The following ZNF131 variants were observed in gnomAD, a reference collection of about 807,000 sequenced individuals.
ZNF131 encodes zinc finger and BTB domain containing 35.
ZNF131 carries 7 observed loss-of-function variants against 60.0 expected under a neutral mutation model. The ratio of observed to expected loss-of-function variants is 0.12; its 90% CI spans 0.07 to 0.22. The LOEUF (loss-of-function observed/expected upper bound fraction) is 0.22, where lower values mean the gene tolerates loss of function less well. ZNF131 is among the 10% of genes least tolerant of loss of function. ZNF131 has a pLI of 1.00. For synonymous variants in ZNF131, 257 were observed against 253.2 expected (o/e 1.01, Z -0.14); for missense variants, 493 against 740.9 (o/e 0.67, Z 3.88).
chr5:43,135,726 A>C (rs551941154), intron 3 of ZNF131, among the ~76,000 whole-genome samples: 5 of 152,354 alleles, frequency 3.3e-5, no homozygotes, highest in Admixed American at 3.3e-4. Flanking sequence ...GTCTCAAAAA[A>C]GAAAAAAGAA....
At chr5:43,123,409 C>A in intron 3 of ZNF131, 99 bp downstream of exon 3, 1 of 946,394 alleles carries the variant, frequency 1.1e-6, no homozygotes, top group South Asian at 1.7e-5. Context: ...ATTGGTGAAG[C>A]AGTTTTAGAC....
At chr5:43,150,797 A>G (rs534805127) in intron 4 of ZNF131, among the ~76,000 whole-genome samples, 1 of 152,162 alleles carries the variant, frequency 6.6e-6, no homozygotes, top group Non-Finnish European at 1.5e-5. Context: ...CAAAAAACAC[A>G]GGGACCAGGA....
chr5:43,173,793 A>G (rs1751277857), intron 6 of ZNF131, among the ~76,000 whole-genome samples: 1 of 152,150 alleles, frequency 6.6e-6, no homozygotes, highest in African/African-American at 2.4e-5. Flanking sequence ...TCAAACAATT[A>G]TTACATTATT....
Position 43,160,032 on chromosome 5 carries a change from T to C in ZNF131, c.372-1217T>C, listed in dbSNP as rs12655892. Among the ~76,000 whole-genome samples the C allele has an allele frequency of 3.0e-4, 45 of 151,746 alleles. No homozygotes were observed. The East Asian group carries it at 8.0e-3, about 27-fold the overall frequency. ...TCTACTAAAAATACAAAATATTAGC[T>C]GGTCGTGGTGGCGGGCGCCTGTAGT... On this transcript the variant is annotated intron_variant, in intron 4 of 6. Coordinates refer to ENST00000682664, the MANE Select transcript of ZNF131 (RefSeq NM_001330707.2).
At chr5:43,123,413 T>G (rs775138540) in intron 3 of ZNF131, 103 bp downstream of exon 3, 19 of 947,114 alleles carry the variant, frequency 2.0e-5, no homozygotes, top group Non-Finnish European at 2.9e-5. Flanking sequence ...GTGAAGCAGT[T>G]TTAGACAGTT....
At position 43,176,187 on chromosome 5, in the gene ZNF131, AGT is replaced by A. The variant is rs745541520; in HGVS notation, c.*1055_*1056del. 3.4e-5 allele frequency: 5 copies of A among 146,760 alleles called. No homozygotes were observed. Among genetic ancestry groups the A allele is most frequent in the Non-Finnish European group, 6.2e-5 (4 of 64,792 alleles). The allele number at this position is 146,760 out of a possible 1,614,324, so 9.1% of individuals were successfully genotyped here. Reference sequence around the variant, plus strand: ...AAGAGTGCTAAACTGTGGACTTAAAAGTAGGTGTGTAAATATTTTTAATCAGT... The same window carrying A: ...AAGAGTGCTAAACTGTGGACTTAAAAAGGTGTGTAAATATTTTTAATCAGT... On this transcript the variant is annotated 3_prime_UTR_variant, in exon 7 of 7. Transcript: ENST00000682664.
At chr5:43,143,566 G>GTAATCCCT (rs1311013914) in intron 4 of ZNF131, 33 of 370,324 alleles carry the variant, frequency 8.9e-5, no homozygotes, top group Non-Finnish European at 1.9e-5. Flanking sequence ...CTGGACTTCT[G>GTAATCCCT]TAATCCCTTT....
rs149464238 is a variant in ZNF131, at chr5:43,134,693, CTTTTTTTTTT to C, written c.227-4459_227-4450del. On this transcript the variant is annotated intron_variant, in intron 3 of 6. Coordinates refer to ENST00000682664, the MANE Select transcript of ZNF131 (RefSeq NM_001330707.2). ...AAAAGTCAGTTGCTTTTCTTTTTTT[CTTTTTTTTTT>C]TTTTTTTTTTTTGGGAGACAGAGTT... Among the ~76,000 whole-genome samples, 30 of 88,418 alleles carry C rather than the reference CTTTTTTTTTT, an allele frequency of 3.4e-4. No homozygotes were observed. In the Middle Eastern group the frequency reaches 0.031, roughly 90 times the overall value. The allele number at this position is 88,418 out of a possible 152,430, so 58.0% of individuals were successfully genotyped here.
rs768449780 is a variant in ZNF131 at position 43,175,120 on chromosome 5, C to T, written c.1859C>T (p.Pro620Leu). The T allele has an allele frequency of 3.1e-6, 5 of 1,604,584 alleles. No individual in the cohort carries two copies. In the African/African-American group the frequency reaches 6.7e-5, roughly 22 times the overall value. ...GAGAATGAGGACAGAACAGCTCTGCCAGTTTTAGAATGAAATTACACATGA... is the reference window on the plus strand; with the variant it reads ...GAGAATGAGGACAGAACAGCTCTGCTAGTTTTAGAATGAAATTACACATGA... ...KAENEDRTAL[P>L]VLE Residue 620 changes from proline (P) to leucine (L), a missense_variant, in exon 7 of 7, where the codon CCA becomes CTA. Physicochemically the swap from Pro to Leu is moderately conservative, Grantham distance 98. Transcript: ENST00000682664.
At chr5:43,135,486 C>A (rs966374526) in intron 3 of ZNF131, among the ~76,000 whole-genome samples, 3 of 151,596 alleles carry the variant, frequency 2.0e-5, no homozygotes, top group Non-Finnish European at 3.0e-5. Flanking sequence ...CAGTGGCTCA[C>A]GCCTGTAATC....
chr5:43,148,064 G>A (rs1247492714), intron 4 of ZNF131, among the ~76,000 whole-genome samples: 1 of 140,204 alleles, frequency 7.1e-6, no homozygotes, highest in African/African-American at 2.6e-5. Context: ...TTTTTTTTCT[G>A]GAAAAAAGAA....
chr5:43,137,524 A>G (rs1358812888), intron 3 of ZNF131, among the ~76,000 whole-genome samples: 1 of 152,218 alleles, frequency 6.6e-6, no homozygotes, highest in Non-Finnish European at 1.5e-5. Flanking sequence ...AGGAAATGCA[A>G]ATCAAAACCA....
chr5:43,160,678 C>CTTTT (rs71608692), intron 4 of ZNF131, among the ~76,000 whole-genome samples: 7 of 93,028 alleles, frequency 7.5e-5, no homozygotes, highest in Non-Finnish European at 1.1e-4. Context: ...TAGCTTGGAA[C>CTTTT]TTTTTTTTTT....
At chr5:43,125,400 C>T (rs993695078) in intron 3 of ZNF131, among the ~76,000 whole-genome samples, 5 of 151,488 alleles carry the variant, frequency 3.3e-5, no homozygotes, top group East Asian at 2.0e-4. Flanking sequence ...CTCAGGTGAT[C>T]CACCCGCCTC....
Position 43,162,965 on chromosome 5 carries a change from TTGCC to T in ZNF131, c.1054+1036_1054+1039del, listed in dbSNP as rs1290110817. ...CATGTTTATACTTCTTTTCTTTTAT[TTGCC>T]TTTTTTTTTTTTTTTTTTGGCAGAT... On this transcript the variant is annotated intron_variant, in intron 5 of 6. Coordinates refer to ENST00000682664, the MANE Select transcript of ZNF131 (RefSeq NM_001330707.2). Among the ~76,000 whole-genome samples the T allele has an allele frequency of 1.9e-3, 223 of 116,896 alleles. 1 individual carries two copies. Among genetic ancestry groups the T allele is most frequent in the Middle Eastern group, 5.0e-3 (1 of 202 alleles). 76.7% of individuals were successfully genotyped at this position (116,896 alleles called of 152,430 possible).
chr5:43,173,116 A>G, intron 5 of ZNF131: 1 of 453,392 alleles, frequency 2.2e-6, no homozygotes. Flanking sequence ...GCATATATAC[A>G]GTTAAATATT....
chr5:43,135,144 A>G (rs1745906411), intron 3 of ZNF131, among the ~76,000 whole-genome samples: 1 of 151,512 alleles, frequency 6.6e-6, no homozygotes, highest in East Asian at 2.0e-4. Flanking sequence ...GATTACAGGC[A>G]TGCACCACCA....
chr5:43,174,336 T>C (rs1457683244), intron 6 of ZNF131, 111 bp from the exon 7 acceptor site: 4 of 1,003,020 alleles, frequency 4.0e-6, no homozygotes, highest in African/African-American at 1.6e-5. Context: ...ACCATATTTA[T>C]AACATTTACA....
intron 4 of ZNF131, among the ~76,000 whole-genome samples, chr5:43,154,442 G>A (rs140739931): frequency 4.2e-4 from 64 of 152,012 alleles, no homozygotes; most frequent in Non-Finnish European, 8.2e-4. Flanking sequence ...TGTCAGAAAT[G>A]TCGGCAATGG....
Sources: allele counts gnomAD v4.1 joint callset (sites outside exome capture counted in the v4.1 genomes callset), GRCh38; gene constraint gnomAD v4.1.1; transcripts MANE v1.5; gene names NCBI Gene and HGNC (gene_info 2026-07-23, HGNC 2026-07-21).